Variants in PARD3B observed in about 807,000 individuals in gnomAD.
PARD3B encodes partitioning defective 3 homolog B.
PARD3B carries 103 observed loss-of-function variants against 130.2 expected under a neutral mutation model. The observed-to-expected ratio is 0.79, with a 90% CI of 0.67 to 0.93. The LOEUF (loss-of-function observed/expected upper bound fraction) is 0.93. Among genes scored for constraint, PARD3B ranks in the 40% least tolerant of loss-of-function variants. PARD3B has a pLI of 0.00. For missense variants in PARD3B, 1,609 were observed against 1,499.2 expected, an observed-to-expected ratio of 1.07 and a Z score of -1.21; for synonymous variants, 583 against 553.2, an observed-to-expected ratio of 1.05 and a Z score of -0.76.
At chr2:205,057,628 T>C (rs1559397599) in intron 4 of PARD3B, among the ~76,000 whole-genome samples, 3 of 143,116 alleles carry the variant, frequency 2.1e-5, no homozygotes, top group Non-Finnish European at 4.6e-5. Context: ...TGTATACGTA[T>C]ATATATACAT....
chr2:205,020,217 C>T (rs1696490739), intron 3 of PARD3B, among the ~76,000 whole-genome samples: 1 of 152,146 alleles, frequency 6.6e-6, no homozygotes, highest in Non-Finnish European at 1.5e-5. Flanking sequence ...TTGGAGCAAC[C>T]TCTCTGACCT....
At chr2:205,036,385 T>C (rs1391758458) in intron 3 of PARD3B, among the ~76,000 whole-genome samples, 1 of 146,464 alleles carries the variant, frequency 6.8e-6, no homozygotes, top group Non-Finnish European at 1.5e-5. Context: ...TATAGCAGAC[T>C]ATATAAAAAA....
At chr2:205,414,337 C>G (rs1244321581) in intron 19 of PARD3B, among the ~76,000 whole-genome samples, 1 of 152,070 alleles carries the variant, frequency 6.6e-6, no homozygotes, top group Non-Finnish European at 1.5e-5. Flanking sequence ...GTTTCATTTT[C>G]TTACATCTCA....
chr2:204,845,543 T>C (rs2044427648), intron 2 of PARD3B, among the ~76,000 whole-genome samples: 1 of 152,128 alleles, frequency 6.6e-6, no homozygotes, highest in Non-Finnish European at 1.5e-5. Context: ...ATCTTGGTTG[T>C]CCTTGTTTGT....
chr2:205,328,366 G>A (rs189631789), intron 18 of PARD3B, among the ~76,000 whole-genome samples: 313 of 152,182 alleles, frequency 2.1e-3, no homozygotes, highest in Middle Eastern at 6.8e-3. Flanking sequence ...ATTTTCAGTT[G>A]TATTAGACCT....
In PARD3B at chr2:205,301,436, G is replaced by A. The variant is rs1319390710; in HGVS notation, c.2393-28G>A. On this transcript the variant is annotated intron_variant, in intron 17 of 22. Transcript: ENST00000406610. The surrounding 1 kb of genome is among the most constrained non-coding windows in gnomAD (Gnocchi z 5.2). ...ACTAACTGAGTGTGCCCCTGACCAT[G>A]GGTATTGATTATTTTTTCTCTGTAC... 5.0e-6 allele frequency: 8 copies of A among 1,584,656 alleles called. No homozygotes were observed. Among genetic ancestry groups the A allele is most frequent in the Non-Finnish European group, 1.7e-6 (2 of 1,169,736 alleles).
chr2:204,920,885 T>C (rs898448403), intron 2 of PARD3B, among the ~76,000 whole-genome samples: 3 of 152,240 alleles, frequency 2.0e-5, no homozygotes, highest in Non-Finnish European at 4.4e-5. Context: ...AGATGCAATT[T>C]GGTGCTAATC....
chr2:205,166,158 C>T (rs1045283007), intron 11 of PARD3B, among the ~76,000 whole-genome samples: 2 of 152,094 alleles, frequency 1.3e-5, no homozygotes, highest in Non-Finnish European at 2.9e-5. Flanking sequence ...ATTACCCATT[C>T]TATAATCTAG....
chr2:205,083,794 T>C (rs1701579801), intron 4 of PARD3B, among the ~76,000 whole-genome samples: 1 of 152,134 alleles, frequency 6.6e-6, no homozygotes, highest in African/African-American at 2.4e-5. Context: ...TCTTTATGAT[T>C]GAATATTTTA....
In PARD3B at chr2:205,322,889, C is replaced by CTTTTTTTTTTTTTTTTTTTTTTTT. The variant is rs71032461; in HGVS notation, c.2630+21207_2630+21230dup. On this transcript the variant is annotated intron_variant, in intron 18 of 22. Transcript: ENST00000406610. ...TGTTGTTATATCATTATTAACACCTCTTTTTTTTTTTTTTTTTTTTTTTTT... is the reference window on the plus strand; with the variant it reads ...TGTTGTTATATCATTATTAACACCTCTTTTTTTTTTTTTTTTTTTTTTTTTTTTTTTTTTTTTTTTTTTTTTTTT... Among the ~76,000 whole-genome samples, 7 of 51,468 alleles carry CTTTTTTTTTTTTTTTTTTTTTTTT rather than the reference C, an allele frequency of 1.4e-4. 2 individuals are homozygous for CTTTTTTTTTTTTTTTTTTTTTTTT. Among genetic ancestry groups the CTTTTTTTTTTTTTTTTTTTTTTTT allele is most frequent in the Non-Finnish European group, 2.3e-4 (6 of 26,334 alleles). 33.8% of individuals were successfully genotyped at this position (51,468 alleles called of 152,430 possible). A position where few individuals can be genotyped will look rare whatever the true frequency, so the allele number is the denominator to read the frequency against.
rs187399711 is a variant in PARD3B at position 204,655,733 on chromosome 2, G to A, written c.121-30448G>A. Among the ~76,000 whole-genome samples, 488 of 152,170 alleles carry A rather than the reference G, an allele frequency of 3.2e-3. 1 individual carries two copies. The highest frequency in any genetic ancestry group is 0.011 in the African/African-American group (465 of 41,530). On this transcript the variant is annotated intron_variant, in intron 1 of 22. Coordinates refer to ENST00000406610, the MANE Select transcript of PARD3B (RefSeq NM_001302769.2). ...TTAAATCTGTTGTGGAGGATTAAAGGAGGTCAGCATATATATCTGAATAAC... is the reference window on the plus strand; with the variant it reads ...TTAAATCTGTTGTGGAGGATTAAAGAAGGTCAGCATATATATCTGAATAAC...
chr2:204,867,003 A>T (rs531243347), intron 2 of PARD3B, among the ~76,000 whole-genome samples: 10 of 152,268 alleles, frequency 6.6e-5, no homozygotes, highest in Admixed American at 5.9e-4. Flanking sequence ...CAGGATGCAG[A>T]GGTTGCAATG....
At chr2:205,173,231 A>T (rs1471906746) in intron 12 of PARD3B, among the ~76,000 whole-genome samples, 2 of 152,206 alleles carry the variant, frequency 1.3e-5, no homozygotes, top group African/African-American at 4.8e-5. Context: ...AATATAAAGT[A>T]CTAGTTTTAA....
chr2:204,748,376 C>T (rs2040330517), intron 2 of PARD3B, among the ~76,000 whole-genome samples: 1 of 152,058 alleles, frequency 6.6e-6, no homozygotes, highest in Admixed American at 6.6e-5. Flanking sequence ...GGGCTCATAT[C>T]CAGAATATAC....
chr2:205,387,099 A>C (rs7584893), intron 18 of PARD3B, among the ~76,000 whole-genome samples: 2,545 of 152,304 alleles, frequency 0.017, 60 homozygotes, highest in African/African-American at 0.058. Context: ...AATCCAATAC[A>C]TTTATAAATA....
At chr2:205,323,409 T>C (rs1382442207) in intron 18 of PARD3B, among the ~76,000 whole-genome samples, 1 of 152,182 alleles carries the variant, frequency 6.6e-6, no homozygotes, top group Non-Finnish European at 1.5e-5. Flanking sequence ...ATGAAGCACA[T>C]GTAGAGCTCA....
In PARD3B at chr2:204,893,652, T is replaced by C. The variant is rs903805941; in HGVS notation, c.223-71500T>C. Among the ~76,000 whole-genome samples, 4 of 152,318 alleles carry C rather than the reference T, an allele frequency of 2.6e-5. No individual in the cohort carries two copies. The East Asian group carries it at 7.7e-4, about 29-fold the overall frequency. The stretch of plus-strand genomic sequence containing the variant: ...CTCAGTATATCCACAAACTTGAATA[T>C]ATAATGGAAAAGTTATGGAAATAAG... On this transcript the variant is annotated intron_variant, in intron 2 of 22. Coordinates refer to ENST00000406610, the MANE Select transcript of PARD3B (RefSeq NM_001302769.2).
intron 18 of PARD3B, among the ~76,000 whole-genome samples, chr2:205,322,653 A>G (rs1351651104): frequency 6.6e-6 from 1 of 152,134 alleles, no homozygotes; most frequent in Non-Finnish European, 1.5e-5. Context: ...GGTGAAACAA[A>G]CAAACAAAAA....
At chr2:204,938,479 G>A (rs1375320320) in intron 2 of PARD3B, among the ~76,000 whole-genome samples, 1 of 152,130 alleles carries the variant, frequency 6.6e-6, no homozygotes, top group African/African-American at 2.4e-5. Context: ...AATTCAGAGA[G>A]GCCCTTCTTG....
Sources: gnomAD v4.1 joint callset for allele counts (sites outside exome capture counted in the v4.1 genomes callset) on GRCh38, gnomAD v4.1.1 for gene constraint, Gnocchi (gnomAD v3.1) non-coding constraint, MANE v1.5 for transcripts, NCBI Gene and HGNC (gene_info 2026-07-23, HGNC 2026-07-21) for gene names.